Variants in AGBL1 observed in about 807,000 individuals in gnomAD.
AGBL1 encodes AGBL carboxypeptidase 1.
In AGBL1, 130 loss-of-function variants were observed where a neutral mutation model predicts 118.9. The observed-to-expected ratio is 1.09, with a 90% confidence interval of 0.95 to 1.26. The LOEUF (loss-of-function observed/expected upper bound fraction) is 1.26. Among genes scored for constraint, AGBL1 ranks in the 50% most tolerant of loss-of-function variants. The probability of loss-of-function intolerance (pLI) is 0.00; values close to 1 mark genes in which losing one functional copy is unlikely to be tolerated. For missense variants in AGBL1, 1,584 were observed against 1,298.1 expected, an observed-to-expected ratio of 1.22 and a Z score of -3.38; for synonymous variants, 555 against 478.9, an observed-to-expected ratio of 1.16 and a Z score of -2.08.
intron 22 of AGBL1, among the ~76,000 whole-genome samples, chr15:86,740,721 AAAG>A (rs1434550013): frequency 4.6e-5 from 7 of 152,182 alleles, no homozygotes; most frequent in Non-Finnish European, 7.3e-5. Flanking sequence ...AGATCAAGAA[AAAG>A]AAGGTGTTCT....
chr15:86,674,625 A>G (rs2085805724), intron 22 of AGBL1, among the ~76,000 whole-genome samples, 189 bp downstream of exon 22: 1 of 152,218 alleles, frequency 6.6e-6, no homozygotes, highest in Non-Finnish European at 1.5e-5. Context: ...GTTTGTACAC[A>G]TATATGCAAA....
At chr15:86,230,553 C>T (rs1394251153) in intron 6 of AGBL1, among the ~76,000 whole-genome samples, 1 of 152,136 alleles carries the variant, frequency 6.6e-6, no homozygotes, top group Non-Finnish European at 1.5e-5. Context: ...CGGGCTCTGC[C>T]CTGCCTTGAT....
chr15:86,653,108 T>C (rs1336943004), intron 21 of AGBL1, among the ~76,000 whole-genome samples: 2 of 152,188 alleles, frequency 1.3e-5, no homozygotes, highest in Admixed American at 6.6e-5. Context: ...CATCAACCAG[T>C]TGGGATATTG....
intron 17 of AGBL1, among the ~76,000 whole-genome samples, chr15:86,341,847 C>T (rs999921871): frequency 6.6e-5 from 10 of 151,952 alleles, no homozygotes; most frequent in Non-Finnish European, 1.2e-4. Flanking sequence ...GAGGAAGGAA[C>T]ATTAATAGTA....
intron 22 of AGBL1, among the ~76,000 whole-genome samples, chr15:86,843,930 T>A (rs1392268081): frequency 6.6e-6 from 1 of 152,170 alleles, no homozygotes; most frequent in Admixed American, 6.5e-5. Flanking sequence ...CAACTACTAA[T>A]CTTTACTTTC....
intron 1 of AGBL1, among the ~76,000 whole-genome samples, chr15:86,082,661 A>C (rs534095127): frequency 6.6e-6 from 1 of 152,356 alleles, no homozygotes; most frequent in South Asian, 2.1e-4. Context: ...CTGTGTGTTA[A>C]CTTTTTCCTG....
chr15:86,578,638 G>T (rs1014076290), intron 21 of AGBL1, among the ~76,000 whole-genome samples: 7 of 152,160 alleles, frequency 4.6e-5, no homozygotes, highest in Admixed American at 1.3e-4. Flanking sequence ...GGACCCAGTG[G>T]GAGGTAATTG....
At chr15:86,709,683 G>C (rs1035710264) in intron 22 of AGBL1, among the ~76,000 whole-genome samples, 31 of 152,036 alleles carry the variant, frequency 2.0e-4, no homozygotes, top group African/African-American at 7.2e-4. Flanking sequence ...GACTAGAGTA[G>C]GTATTTGATC....
intron 22 of AGBL1, among the ~76,000 whole-genome samples, chr15:86,880,598 G>C (rs2079876970): frequency 6.6e-6 from 1 of 152,144 alleles, no homozygotes; most frequent in African/African-American, 2.4e-5. Context: ...CAGTGACTAT[G>C]TGTGCATATA....
intron 19 of AGBL1, among the ~76,000 whole-genome samples, chr15:86,537,128 A>G (rs1416513526): frequency 6.6e-6 from 1 of 152,214 alleles, no homozygotes; most frequent in Non-Finnish European, 1.5e-5. Context: ...GCCAAGGGCA[A>G]ATCTCTTTAC....
chr15:86,952,650 T>C (rs1418168668), intron 23 of AGBL1, among the ~76,000 whole-genome samples: 7 of 152,216 alleles, frequency 4.6e-5, no homozygotes, highest in Non-Finnish European at 8.8e-5. Flanking sequence ...TTTACCCTGT[T>C]GATAGTTTCA....
intron 22 of AGBL1, among the ~76,000 whole-genome samples, chr15:86,689,815 G>T (rs532340992): frequency 2.0e-4 from 30 of 152,248 alleles, no homozygotes; most frequent in Admixed American, 1.8e-3. Flanking sequence ...AATGATGGAT[G>T]ATACTAAAAA....
At position 86,262,078 on chromosome 15, in the gene AGBL1, C is replaced by CTTTTTTTTTTTT. The variant is rs61365024; in HGVS notation, c.970-695_970-684dup. On this transcript the variant is annotated intron_variant, in intron 9 of 22. Transcript: ENST00000614907. ...CACTGCTAGGCCTATGCATAGCTGG[C>CTTTTTTTTTTTT]TTTTTTTTTTTTTTTTGCCATTTAG... Among the ~76,000 whole-genome samples, 348 of 52,754 alleles carry CTTTTTTTTTTTT rather than the reference C, an allele frequency of 6.6e-3. 112 individuals carry two copies. Among genetic ancestry groups the CTTTTTTTTTTTT allele is most frequent in the South Asian group, 0.02 (12 of 612 alleles). The allele number at this position is 52,754 out of a possible 152,430, so 34.6% of individuals were successfully genotyped here.
downstream of AGBL1, among the ~76,000 whole-genome samples, chr15:86,920,425 C>A (rs1041956636): frequency 6.6e-6 from 1 of 152,128 alleles, no homozygotes; most frequent in South Asian, 2.1e-4. Context: ...TTAGACCCAC[C>A]CTGATCATCT....
intron 22 of AGBL1, among the ~76,000 whole-genome samples, chr15:86,905,673 T>G (rs527349274): frequency 1.3e-5 from 2 of 152,304 alleles, no homozygotes; most frequent in African/African-American, 4.8e-5. Context: ...TCTATTAGAT[T>G]AAGCAGTTTT....
chr15:87,011,902 T>TAAAG (rs1386351762), intron 24 of AGBL1, among the ~76,000 whole-genome samples: 1 of 152,114 alleles, frequency 6.6e-6, no homozygotes, highest in Non-Finnish European at 1.5e-5. Context: ...AGAAAATCTA[T>TAAAG]AAAGAGTCAT....
At chr15:86,745,002 A>G (rs2141242974) in intron 22 of AGBL1, among the ~76,000 whole-genome samples, 1 of 152,200 alleles carries the variant, frequency 6.6e-6, no homozygotes, top group East Asian at 1.9e-4. Flanking sequence ...GGGGCCAGGA[A>G]GAGTTTGGGA....
At chr15:86,719,170 T>A (rs991714830) in intron 22 of AGBL1, among the ~76,000 whole-genome samples, 6 of 152,114 alleles carry the variant, frequency 3.9e-5, no homozygotes, top group Non-Finnish European at 8.8e-5. Context: ...GGAGACAAAC[T>A]TCAAGTCTGT....
chr15:86,987,960 T>C (rs779149319), intron 23 of AGBL1: 1 of 1,610,784 alleles, frequency 6.2e-7, no homozygotes, highest in East Asian at 2.2e-5. Context: ...CACCAATCTG[T>C]ACCACTCATT....
Sources: gnomAD v4.1 joint callset for allele counts (sites outside exome capture counted in the v4.1 genomes callset) on GRCh38, gnomAD v4.1.1 for gene constraint, MANE v1.5 for transcripts, NCBI Gene and HGNC (gene_info 2026-07-23, HGNC 2026-07-21) for gene names.